PGR: variants seen among roughly 807,000 people sequenced by gnomAD.
The protein encoded by PGR is progesterone receptor, also known as nuclear receptor subfamily 3 group C member 3.
PGR carries 25 observed loss-of-function variants against 76.1 expected under a neutral mutation model. The ratio of observed to expected loss-of-function variants is 0.33; its 90% CI spans 0.24 to 0.46. The LOEUF (loss-of-function observed/expected upper bound fraction) is 0.46. Ranked by LOEUF, PGR falls within the 20% of genes least tolerant of loss-of-function variation. The probability of loss-of-function intolerance (pLI) is 1.00; values close to 1 mark genes in which losing one functional copy is unlikely to be tolerated. For missense variants in PGR, 1,172 were observed against 1,225.3 expected (o/e 0.96, Z 0.65); for synonymous variants, 579 against 535.0 (o/e 1.08, Z -1.14).
chr11:101,063,865 T>C (rs1860602240), intron 3 of PGR: 1 of 152,182 alleles, frequency 6.6e-6, no homozygotes, highest in Admixed American at 6.5e-5. Context: ...GGGGCATGTG[T>C]ATTCCAGTTT....
chr11:101,066,772 T>C (rs1204180271), intron 3 of PGR, among the ~76,000 whole-genome samples: 2 of 152,312 alleles, frequency 1.3e-5, no homozygotes, highest in East Asian at 1.9e-4. Context: ...TCTCACCTCA[T>C]ATCTAATACA....
At chr11:101,085,685 T>C (rs993622437) in intron 3 of PGR, among the ~76,000 whole-genome samples, 8 of 151,830 alleles carry the variant, frequency 5.3e-5, no homozygotes, top group African/African-American at 1.7e-4. Flanking sequence ...ATAAATAAGA[T>C]TGATAGACTG....
Position 101,031,692 on chromosome 11 carries a change from A to C in PGR, c.*7424T>G, listed in dbSNP as rs1050326495. 3.1e-5 allele frequency: 7 copies of C among 223,650 alleles called. No individual in the cohort carries two copies. The highest frequency in any genetic ancestry group is 5.3e-5 in the Non-Finnish European group (6 of 112,164). The allele number at this position is 223,650 out of a possible 1,614,324, so 13.9% of individuals were successfully genotyped here. A position where few individuals can be genotyped will look rare whatever the true frequency, so the allele number is the denominator to read the frequency against. ...ATCATTATTTGTATACAATGCAGCA[A>C]GAATTTTGTTTTTAATGTAGGCTTT... On this transcript the variant is annotated 3_prime_UTR_variant, in exon 8 of 8. Coordinates refer to ENST00000325455, the MANE Select transcript of PGR (RefSeq NM_000926.4).
At chr11:101,103,077 T>C (rs1862045891) in intron 2 of PGR, among the ~76,000 whole-genome samples, 1 of 151,320 alleles carries the variant, frequency 6.6e-6, no homozygotes, top group Admixed American at 6.6e-5. Context: ...GCTCACCTCC[T>C]GCTGTGTGGC....
At chr11:101,040,085 T>C (rs1859647970) in intron 7 of PGR, among the ~76,000 whole-genome samples, 1 of 152,068 alleles carries the variant, frequency 6.6e-6, no homozygotes, top group African/African-American at 2.4e-5. Flanking sequence ...TATGGTTTTC[T>C]GCTGGATTGC....
intron 5 of PGR, among the ~76,000 whole-genome samples, chr11:101,050,676 T>C (rs10895055): frequency 0.11 from 17,436 of 152,132 alleles, 1,299 homozygotes; most frequent in Non-Finnish European, 0.16. Context: ...ATTAGTCAAA[T>C]GAAGCTAACA....
At chr11:101,065,659 G>A (rs1256903094) in intron 3 of PGR, among the ~76,000 whole-genome samples, 4 of 152,188 alleles carry the variant, frequency 2.6e-5, no homozygotes, top group Non-Finnish European at 5.9e-5. Flanking sequence ...AATCTAAGCA[G>A]AGAATAGGCA....
intron 2 of PGR, among the ~76,000 whole-genome samples, chr11:101,115,963 G>GAT (rs1862493219): frequency 6.6e-6 from 1 of 152,170 alleles, no homozygotes; most frequent in African/African-American, 2.4e-5. Flanking sequence ...ATTTTAGAAA[G>GAT]ATAAAATAGA....
chr11:101,051,017 C>A, intron 5 of PGR: 1 of 206,088 alleles, frequency 4.9e-6, no homozygotes, highest in South Asian at 6.6e-5. Context: ...AAATATAAAG[C>A]AAATTGAAAT....
intron 2 of PGR, among the ~76,000 whole-genome samples, chr11:101,095,580 A>C (rs894124285): frequency 2.0e-5 from 3 of 152,186 alleles, no homozygotes; most frequent in African/African-American, 7.2e-5. Flanking sequence ...CAGTTAAAAC[A>C]TTTTAGGTTA....
chr11:101,072,198 C>A (rs1415200254), intron 3 of PGR, among the ~76,000 whole-genome samples: 2 of 151,432 alleles, frequency 1.3e-5, no homozygotes, highest in Non-Finnish European at 2.9e-5. Context: ...AAAGAATTTT[C>A]AACCCAGAAT....
chr11:101,059,866 AAAAAG>A (rs1460795070), intron 4 of PGR, among the ~76,000 whole-genome samples: 1 of 151,320 alleles, frequency 6.6e-6, no homozygotes, highest in Non-Finnish European at 1.5e-5. Context: ...AAAAAAGAAA[AAAAAG>A]AAAAGAAACA....
chr11:101,057,438 G>A (rs1860334568), intron 4 of PGR, among the ~76,000 whole-genome samples: 1 of 152,138 alleles, frequency 6.6e-6, no homozygotes, highest in African/African-American at 2.4e-5. Context: ...ATCACAGAAA[G>A]CCCTTGGATA....
At chr11:101,079,261 C>T (rs1861226264) in intron 3 of PGR, among the ~76,000 whole-genome samples, 1 of 151,942 alleles carries the variant, frequency 6.6e-6, no homozygotes, top group African/African-American at 2.4e-5. Flanking sequence ...GCAATCAAGG[C>T]AAAAATTGAC....
rs1032888188 is a variant in PGR at position 101,030,542 on chromosome 11, A to G, written c.*8574T>C. 6 of 228,392 alleles carry G rather than the reference A, an allele frequency of 2.6e-5. No individual in the cohort carries two copies. The highest frequency in any genetic ancestry group is 2.3e-4 in the Admixed American group (4 of 17,566). The allele number at this position is 228,392 out of a possible 1,614,324, so 14.1% of individuals were successfully genotyped here. A position where few individuals can be genotyped will look rare whatever the true frequency, so the allele number is the denominator to read the frequency against. On this transcript the variant is annotated 3_prime_UTR_variant, in exon 8 of 8. Transcript: ENST00000325455. The stretch of plus-strand genomic sequence containing the variant: ...TTGAAAGTATGTGCTCAACTGAAAT[A>G]ATTAATCTTTGTGTTTTTCTCTTTG...
At chr11:101,042,137 A>G in intron 6 of PGR, 35 bp from the exon 7 acceptor site, 1 of 1,604,684 alleles carries the variant, frequency 6.2e-7, no homozygotes, top group Non-Finnish European at 8.5e-7. Context: ...GCAGTTGTGT[A>G]TAAAAAGATG....
chr11:101,117,466 T>C (rs1862546340), intron 2 of PGR, among the ~76,000 whole-genome samples: 1 of 152,096 alleles, frequency 6.6e-6, no homozygotes, highest in Non-Finnish European at 1.5e-5. Flanking sequence ...TTTTTTGCCT[T>C]ATATAAGAAA....
In PGR at chr11:101,035,549, T is replaced by C. The variant is rs956454722; in HGVS notation, c.*3567A>G. ...TTTCTAAACCCATTGTTCCCTTTTGTGGAATTGCTGCCATAGTAAAAATAA... is the reference window on the plus strand; with the variant it reads ...TTTCTAAACCCATTGTTCCCTTTTGCGGAATTGCTGCCATAGTAAAAATAA... On this transcript the variant is annotated 3_prime_UTR_variant, in exon 8 of 8. Transcript: ENST00000325455. 3 of 232,064 alleles carry C rather than the reference T, an allele frequency of 1.3e-5. No homozygotes were observed. The highest frequency in any genetic ancestry group is 1.7e-5 in the Non-Finnish European group (2 of 117,426). The allele number at this position is 232,064 out of a possible 1,614,324, so 14.4% of individuals were successfully genotyped here.
At chr11:101,118,138 A>T (rs923936750) in intron 2 of PGR, among the ~76,000 whole-genome samples, 1 of 152,240 alleles carries the variant, frequency 6.6e-6, no homozygotes, top group Middle Eastern at 3.2e-3. Context: ...GCAAAGGAAT[A>T]TCCAGTGGAA....
Sources: allele counts gnomAD v4.1 joint callset (sites outside exome capture counted in the v4.1 genomes callset), GRCh38; gene constraint gnomAD v4.1.1; transcripts MANE v1.5; gene names NCBI Gene and HGNC (gene_info 2026-07-23, HGNC 2026-07-21).